DNAH11: variants seen among roughly 807,000 people sequenced by gnomAD.
DNAH11 encodes the protein axonemal beta dynein heavy chain 11.
In DNAH11, 442 loss-of-function variants were observed where a neutral mutation model predicts 526.0. That is an observed-to-expected ratio of 0.84 (90% confidence interval 0.78 to 0.91). The LOEUF is 0.91. DNAH11 is among the 40% of genes least tolerant of loss of function. DNAH11 has a pLI of 0.00. For missense variants in DNAH11, 6,989 were observed against 5,448.7 expected (o/e 1.28, Z -8.90); for synonymous variants, 2,461 against 1,935.9 (o/e 1.27, Z -7.12).
intron 66 of DNAH11, among the ~76,000 whole-genome samples, chr7:21,843,991 A>G (rs1204797666): frequency 1.3e-5 from 2 of 152,228 alleles, no homozygotes; most frequent in Non-Finnish European, 2.9e-5. Flanking sequence ...CTTCACACAG[A>G]TGAACAACAT....
chr7:21,710,516 G>A (rs376112202), intron 40 of DNAH11, 37 bp from the exon 41 acceptor site: 97 of 1,526,198 alleles, frequency 6.4e-5, no homozygotes, highest in South Asian at 2.9e-4. Flanking sequence ...TCAATCTATC[G>A]TAGAAATAAA....
chr7:21,806,045 A>T lies in DNAH11; in HGVS notation c.10166-1838A>T, dbSNP rs542685005. On this transcript the variant is annotated intron_variant, in intron 62 of 81. Coordinates refer to ENST00000409508, the MANE Select transcript of DNAH11 (RefSeq NM_001277115.2). ...GGGTCACCCCAGCCAGGATGACATT[A>T]CAGGCAATCTATAATGCATTAGAAT... 1.5e-3 allele frequency among the ~76,000 whole-genome samples: 232 copies of T among 152,350 alleles called. 1 individual carries two copies. The highest frequency in any genetic ancestry group is 5.1e-3 in the African/African-American group (212 of 41,594).
intron 62 of DNAH11, among the ~76,000 whole-genome samples, chr7:21,803,056 T>A (rs1177416162): frequency 6.6e-6 from 1 of 151,886 alleles, no homozygotes; most frequent in Non-Finnish European, 1.5e-5. Context: ...AAGTATAAAG[T>A]CTGTAACTAC....
chr7:21,852,443 C>G, intron 66 of DNAH11, 24 bp from the exon 67 acceptor site: 1 of 1,592,510 alleles, frequency 6.3e-7, no homozygotes. Flanking sequence ...CACCATTTCC[C>G]ACACTTTTCT....
In DNAH11 at chr7:21,606,456, A is replaced by G; in HGVS notation, c.3679A>G (p.Lys1227Glu). The change falls in exon 19 of 82, where the codon AAG (lysine) becomes GAG (glutamate). Residue 1227 changes from lysine (K) to glutamate (E), a missense_variant. Coordinates refer to ENST00000409508, the MANE Select transcript of DNAH11 (RefSeq NM_001277115.2). ...ACCTGAAAGATGGGAAACTACCAAA[A>G]AGATCGCAGCAACTGTCAGACATGA... is the stretch of plus-strand genomic sequence containing the variant. ...ELPERWETTK[K>E]IAATVRHEVS... 6.2e-7 allele frequency: 1 copy of G among 1,606,576 alleles called. No homozygotes were observed. The highest frequency in any genetic ancestry group is 8.5e-7 in the Non-Finnish European group (1 of 1,178,126).
intron 9 of DNAH11, among the ~76,000 whole-genome samples, chr7:21,584,628 T>A (rs1277804745): frequency 6.6e-6 from 1 of 152,164 alleles, no homozygotes; most frequent in Non-Finnish European, 1.5e-5. Flanking sequence ...AACTCTTCAG[T>A]GAAACTCAGG....
rs370056975 is a variant in DNAH11, at chr7:21,864,603, C to T, written c.11442C>T (p.His3814=). 25 of 1,610,640 alleles carry T rather than the reference C, an allele frequency of 1.6e-5. No individual in the cohort carries two copies. The African/African-American group carries it at 2.4e-4, about 15-fold the overall frequency. Residue 3814 remains histidine, a synonymous_variant, in exon 70 of 82, where the codon CAC becomes CAT. Coordinates refer to ENST00000409508, the MANE Select transcript of DNAH11 (RefSeq NM_001277115.2). Reference sequence around the variant, plus strand: ...TCCTGCTTCGATTCACAGTTGAACACACTCATCTGAGTCCCGTTGACTTCC... The same window carrying T: ...TCCTGCTTCGATTCACAGTTGAACATACTCATCTGAGTCCCGTTGACTTCC... ...LDFLLRFTVE[H]THLSPVDFLT...
chr7:21,849,372 T>C (rs1440151571), intron 66 of DNAH11, among the ~76,000 whole-genome samples: 1 of 152,244 alleles, frequency 6.6e-6, no homozygotes. Context: ...ATTAATAAAC[T>C]AACATATTTT....
At chr7:21,594,391 T>A (rs1209223140) in intron 14 of DNAH11, among the ~76,000 whole-genome samples, 1 of 152,166 alleles carries the variant, frequency 6.6e-6, no homozygotes, top group African/African-American at 2.4e-5. Flanking sequence ...TTTTGAAATA[T>A]GAGAGCAGAG....
At chr7:21,657,256 C>T (rs1782052004) in intron 29 of DNAH11, among the ~76,000 whole-genome samples, 1 of 152,094 alleles carries the variant, frequency 6.6e-6, no homozygotes. Flanking sequence ...TGTTGAATAC[C>T]TACTATGCAT....
intron 32 of DNAH11, among the ~76,000 whole-genome samples, chr7:21,684,847 C>T (rs1479488663): frequency 6.6e-6 from 1 of 152,214 alleles, no homozygotes; most frequent in Non-Finnish European, 1.5e-5. Context: ...GTATTCCAAT[C>T]TCTGCTGACC....
Position 21,734,423 on chromosome 7 carries a change from C to G in DNAH11, c.7441-1217C>G, listed in dbSNP as rs77084599. On this transcript the variant is annotated intron_variant, in intron 45 of 81. Transcript: ENST00000409508. Reference sequence around the variant, plus strand: ...GAAAGGGAAAAAATATGAGATGCAGCTCGAATATTTTTTAAAGAGTTGTCT... The same window carrying G: ...GAAAGGGAAAAAATATGAGATGCAGGTCGAATATTTTTTAAAGAGTTGTCT... 2.5e-3 allele frequency among the ~76,000 whole-genome samples: 377 copies of G among 152,304 alleles called. 2 individuals are homozygous for G. The highest frequency in any genetic ancestry group is 8.6e-3 in the African/African-American group (357 of 41,570).
rs1442242892 is a variant in DNAH11 at position 21,650,237 on chromosome 7, A to C, written c.4945-5595A>C. Among the ~76,000 whole-genome samples the C allele has an allele frequency of 2.0e-5, 3 of 152,266 alleles. No homozygotes were observed. The East Asian group carries it at 5.8e-4, about 29-fold the overall frequency. On this transcript the variant is annotated intron_variant, in intron 28 of 81. Coordinates refer to ENST00000409508, the MANE Select transcript of DNAH11 (RefSeq NM_001277115.2). ...TATGTTTAAGTTACAGTAATAAGTG[A>C]GAAATCAAATTACAAAATATTATAC...
At chr7:21,615,894 AGTCT>A (rs1401817540) in intron 21 of DNAH11, among the ~76,000 whole-genome samples, 1 of 152,228 alleles carries the variant, frequency 6.6e-6, no homozygotes, top group Non-Finnish European at 1.5e-5. Flanking sequence ...GAATTATAAA[AGTCT>A]GTTATTTAAT....
intron 42 of DNAH11, 87 bp from the exon 43 acceptor site, chr7:21,717,688 T>C (rs1223087729): frequency 5.4e-6 from 8 of 1,494,528 alleles, no homozygotes; most frequent in Non-Finnish European, 7.3e-6. Context: ...TGCACCAAGC[T>C]GTGTCAAAGG....
intron 21 of DNAH11, among the ~76,000 whole-genome samples, chr7:21,615,897 CTG>C (rs1451641421): frequency 2.6e-5 from 4 of 152,096 alleles, no homozygotes; most frequent in Admixed American, 1.3e-4. Context: ...TTATAAAAGT[CTG>C]TTATTTAATA....
chr7:21,569,429 TC>T (rs1303509251), intron 6 of DNAH11, among the ~76,000 whole-genome samples: 2 of 152,190 alleles, frequency 1.3e-5, no homozygotes, highest in East Asian at 3.9e-4. Context: ...TGTCGGTTGA[TC>T]CCATGAGAAT....
Position 21,564,923 on chromosome 7 carries a change from G to A in DNAH11, c.1194+526G>A, listed in dbSNP as rs190234987. 5.3e-5 allele frequency among the ~76,000 whole-genome samples: 8 copies of A among 151,922 alleles called. No homozygotes were observed. In the East Asian group the frequency reaches 1.5e-3, roughly 29 times the overall value. On this transcript the variant is annotated intron_variant, in intron 6 of 81. Transcript: ENST00000409508. The stretch of plus-strand genomic sequence containing the variant: ...TAAAAAAAAAAAAATTTAAAAAAAG[G>A]ACCACCTTCCTCTGTGTCCTCATCC...
Position 21,894,684 on chromosome 7 carries a change from TA to T in DNAH11, c.12814del (p.Met4272CysfsTer21), listed in dbSNP as rs1328538470. On this transcript the variant is annotated frameshift_variant, in exon 78 of 82. Coordinates refer to ENST00000409508, the MANE Select transcript of DNAH11 (RefSeq NM_001277115.2). LOFTEE classifies it high-confidence loss of function. Reference sequence around the variant, plus strand: ...CCAGAAGAGTTCAACATGGCAGAGATAATGCAAAAAAATTCAAATAGAAGCC... The same window carrying T: ...CCAGAAGAGTTCAACATGGCAGAGATATGCAAAAAAATTCAAATAGAAGCC... ...KLPEEFNMAE[I>X]MQKNSNRSPY... 1 of 1,613,960 alleles carries T rather than the reference TA, an allele frequency of 6.2e-7. No individual in the cohort carries two copies. Among genetic ancestry groups the T allele is most frequent in the Non-Finnish European group, 8.5e-7 (1 of 1,179,876 alleles).
Sources: allele counts gnomAD v4.1 joint callset (sites outside exome capture counted in the v4.1 genomes callset), GRCh38; gene constraint gnomAD v4.1.1; transcripts MANE v1.5; gene names NCBI Gene and HGNC (gene_info 2026-07-23, HGNC 2026-07-21).